Variants in ZFPM1 observed in about 807,000 individuals in gnomAD.
The protein encoded by ZFPM1 is zinc finger protein, FOG family member 1.
Under a neutral mutation model 46.3 loss-of-function variants are expected in ZFPM1, and 28 were observed. The observed-to-expected ratio is 0.60, with a 90% CI of 0.45 to 0.83. ZFPM1 has a LOEUF of 0.83. ZFPM1 is among the 40% of genes least tolerant of loss of function. The pLI is 0.00. For missense variants in ZFPM1, 1,878 were observed against 1,432.4 expected (o/e 1.31, Z -5.02); for synonymous variants, 957 against 675.9 (o/e 1.42, Z -6.45).
At chr16:88,523,417 C>T (rs2142462654) in intron 4 of ZFPM1, among the ~76,000 whole-genome samples, 1 of 152,356 alleles carries the variant, frequency 6.6e-6, no homozygotes. Context: ...AATTGGCTTC[C>T]TGCCCCAGCG....
Position 88,533,406 on chromosome 16 carries a change from C to T in ZFPM1, c.1448C>T (p.Pro483Leu). 6.7e-7 allele frequency: 1 copy of T among 1,502,064 alleles called. No homozygotes were observed. Among genetic ancestry groups the T allele is most frequent in the Non-Finnish European group, 8.8e-7 (1 of 1,134,190 alleles). The allele number at this position is 1,502,064 out of a possible 1,614,324, so 93.0% of individuals were successfully genotyped here. ...ATCCTGGGCCCCGGAGAGCCTGGGC[C>T]CCAGGCCCCGTCGCGGACGCCGTCG... Reference protein sequence around the residue: ...APILGPGEPGPQAPSRTPSPR... With the variant: ...APILGPGEPGLQAPSRTPSPR... Residue 483 changes from proline to leucine, a missense_variant, in exon 10 of 10, where the codon CCC (proline) becomes CTC (leucine). Transcript: ENST00000319555.
intron 4 of ZFPM1, 108 bp downstream of exon 4, chr16:88,514,628 A>G: frequency 7.4e-7 from 1 of 1,349,374 alleles, no homozygotes; most frequent in Non-Finnish European, 9.8e-7. Context: ...TGGCCACTTG[A>G]AGATGTGGGC....
intron 3 of ZFPM1, among the ~76,000 whole-genome samples, chr16:88,502,167 A>T (rs1337283628): frequency 6.7e-6 from 1 of 150,276 alleles, no homozygotes; most frequent in African/African-American, 2.5e-5. Context: ...TTTCCATTAC[A>T]GCGGCCGTGG....
chr16:88,463,353 G>T (rs1393210983), intron 1 of ZFPM1, among the ~76,000 whole-genome samples: 2 of 152,220 alleles, frequency 1.3e-5, no homozygotes, highest in African/African-American at 4.8e-5. Flanking sequence ...CAGGCGCCCA[G>T]ACCCTCGTGA....
Position 88,526,931 on chromosome 16 carries a change from G to T in ZFPM1, c.505+15G>T. ...CCACAGGAAGGGTCAGTATGACGCG[G>T]CACCTCCGTCCCAAGCCTTCCGGAA... On this transcript the variant is annotated intron_variant, in intron 5 of 9. Transcript: ENST00000319555. The T allele has an allele frequency of 6.4e-7, 1 of 1,555,116 alleles. No homozygotes were observed.
chr16:88,453,887 T>G (rs2142330761), intron 1 of ZFPM1, among the ~76,000 whole-genome samples: 1 of 151,774 alleles, frequency 6.6e-6, no homozygotes. Flanking sequence ...ACCGGGGGGT[T>G]CAGCCCAGGA....
chr16:88,485,768 C>T (rs1217360908), intron 1 of ZFPM1, among the ~76,000 whole-genome samples, 171 bp from the exon 2 acceptor site: 2 of 152,104 alleles, frequency 1.3e-5, no homozygotes, highest in East Asian at 3.9e-4. Context: ...CAGAGGGAGC[C>T]CCCAGCTAAC....
At chr16:88,519,559 GAT>G (rs1911654636) in intron 4 of ZFPM1, among the ~76,000 whole-genome samples, 1 of 149,706 alleles carries the variant, frequency 6.7e-6, no homozygotes, top group African/African-American at 2.5e-5. Context: ...AGGATGGATG[GAT>G]GGATGGATGG....
chr16:88,460,782 G>C (rs1398643959), intron 1 of ZFPM1, among the ~76,000 whole-genome samples: 1 of 152,216 alleles, frequency 6.6e-6, no homozygotes, highest in Non-Finnish European at 1.5e-5. Flanking sequence ...CCCTGGTCCC[G>C]CGTCAGGAAG....
chr16:88,516,736 G>C (rs919572395), intron 4 of ZFPM1: 3 of 396,018 alleles, frequency 7.6e-6, no homozygotes, highest in African/African-American at 6.2e-5. Flanking sequence ...ACCCCTCCCT[G>C]AGGAGGACGT....
chr16:88,522,711 C>T (rs1911994051), intron 4 of ZFPM1, among the ~76,000 whole-genome samples: 1 of 152,136 alleles, frequency 6.6e-6, no homozygotes. Flanking sequence ...GCTGGTGGGG[C>T]CGGCCAGGGC....
At chr16:88,488,672 G>T (rs1909379738) in intron 2 of ZFPM1, among the ~76,000 whole-genome samples, 1 of 152,184 alleles carries the variant, frequency 6.6e-6, no homozygotes, top group African/African-American at 2.4e-5. Flanking sequence ...TGGAATCGGT[G>T]CAGGGCCTGG....
chr16:88,473,454 G>A (rs185021749), intron 1 of ZFPM1, among the ~76,000 whole-genome samples: 6 of 152,328 alleles, frequency 3.9e-5, no homozygotes, highest in Non-Finnish European at 7.4e-5. Context: ...GCCTGTCCTC[G>A]AGGGCCGCAG....
intron 4 of ZFPM1, among the ~76,000 whole-genome samples, chr16:88,521,433 C>G (rs1288410329): frequency 1.3e-5 from 2 of 151,910 alleles, no homozygotes; most frequent in Non-Finnish European, 2.9e-5. Context: ...CCAGCCCCAT[C>G]CCCAGGTGAG....
intron 3 of ZFPM1, among the ~76,000 whole-genome samples, chr16:88,493,640 CGGTGAGCTGTCCCGGGGT>C (rs1909756332): frequency 1.1e-5 from 1 of 88,668 alleles, no homozygotes; most frequent in Non-Finnish European, 2.6e-5. Flanking sequence ...TCCCGGGGTG[CGGTGAGCTGTCCCGGGGT>C]GCGGGGAGCT....
intron 1 of ZFPM1, among the ~76,000 whole-genome samples, chr16:88,476,194 C>A (rs564574228): frequency 1.0e-3 from 159 of 152,150 alleles, no homozygotes; most frequent in African/African-American, 3.7e-3. Context: ...GGCTGAGACC[C>A]GAAGGCCCCT....
At chr16:88,494,255 C>T (rs954562553) in intron 3 of ZFPM1, among the ~76,000 whole-genome samples, 24 of 152,208 alleles carry the variant, frequency 1.6e-4, no homozygotes, top group African/African-American at 5.3e-4. Flanking sequence ...AAGAGGCGGC[C>T]GAGCAGGGGC....
At chr16:88,533,119 G>C (rs1393305443) in intron 9 of ZFPM1, 29 bp from the exon 10 acceptor site, 5 of 1,465,136 alleles carry the variant, frequency 3.4e-6, no homozygotes, top group Non-Finnish European at 4.5e-6. Context: ...CCCCAGGCCT[G>C]AGGTGCCACC....
In ZFPM1 at chr16:88,480,401, A is replaced by T. The variant is rs533614984; in HGVS notation, c.41-5538A>T. Among the ~76,000 whole-genome samples, 2 of 152,216 alleles carry T rather than the reference A, an allele frequency of 1.3e-5. No homozygotes were observed. Among genetic ancestry groups the T allele is most frequent in the Admixed American group, 6.5e-5 (1 of 15,292 alleles). On this transcript the variant is annotated intron_variant, in intron 1 of 9. Transcript: ENST00000319555. This position sits in a 1 kb window ranked among gnomAD's most constrained non-coding sequence, Gnocchi z 4.9. ...GAGGAAGAAGTGAGTGTGTGAGGGG[A>T]CGGGTGAGTGAGGGAGCGGATGAAA...
Sources: allele counts gnomAD v4.1 joint callset (sites outside exome capture counted in the v4.1 genomes callset), GRCh38; gene constraint gnomAD v4.1.1; non-coding constraint Gnocchi (gnomAD v3.1); transcripts MANE v1.5; gene names NCBI Gene and HGNC (gene_info 2026-07-23, HGNC 2026-07-21).